TOX3: variants seen among roughly 807,000 people sequenced by gnomAD.
TOX3 encodes CAG trinucleotide repeat-containing gene F9 protein.
Under a neutral mutation model 64.3 loss-of-function variants are expected in TOX3, and 22 were observed. The ratio of observed to expected loss-of-function variants is 0.34; its 90% CI spans 0.24 to 0.49. The LOEUF (loss-of-function observed/expected upper bound fraction) is 0.49. Ranked by LOEUF, TOX3 falls within the 20% of genes least tolerant of loss-of-function variation. The pLI is 0.99. For synonymous variants in TOX3, 291 were observed against 273.6 expected (o/e 1.06, Z -0.63); for missense variants, 661 against 714.4 (o/e 0.93, Z 0.85).
chr16:52,514,423 G>T (rs190203593), intron 1 of TOX3, among the ~76,000 whole-genome samples: 45 of 152,274 alleles, frequency 3.0e-4, no homozygotes, highest in Non-Finnish European at 4.9e-4. Flanking sequence ...TGAGTTTTGA[G>T]CCCAACTGAT....
At chr16:52,459,038 G>A (rs948020945) in intron 3 of TOX3, among the ~76,000 whole-genome samples, 4 of 152,136 alleles carry the variant, frequency 2.6e-5, no homozygotes, top group African/African-American at 7.2e-5. Context: ...AACAGGCCAG[G>A]TGCAGTGGCT....
chr16:52,442,472 C>T (rs1303515772), intron 6 of TOX3, among the ~76,000 whole-genome samples: 2 of 152,156 alleles, frequency 1.3e-5, no homozygotes, highest in Non-Finnish European at 2.9e-5. Context: ...CCTTGCCTCC[C>T]TGATTCTTTC....
At chr16:52,482,766 C>T (rs1961402714) in intron 1 of TOX3, among the ~76,000 whole-genome samples, 2 of 152,142 alleles carry the variant, frequency 1.3e-5, no homozygotes, top group Admixed American at 6.5e-5. Context: ...CACACTGACT[C>T]CATTTATTCC....
intron 1 of TOX3, among the ~76,000 whole-genome samples, chr16:52,517,609 A>C (rs1006291143): frequency 1.3e-5 from 2 of 152,104 alleles, no homozygotes; most frequent in African/African-American, 4.8e-5. Context: ...AAGAATAGGT[A>C]GACTACATGC....
chr16:52,492,799 T>C (rs1020083691), intron 1 of TOX3, among the ~76,000 whole-genome samples: 2 of 151,230 alleles, frequency 1.3e-5, no homozygotes, highest in Non-Finnish European at 2.9e-5. Context: ...ATTTGCAGGA[T>C]GATGAAAAGC....
At chr16:52,464,266 A>G (rs551436482) in intron 2 of TOX3, 78 bp from the exon 3 acceptor site, 1 of 1,372,038 alleles carries the variant, frequency 7.3e-7, no homozygotes, top group African/African-American at 1.5e-5. Context: ...AGAGAAAGAC[A>G]TTGCATGAAA....
At chr16:52,499,692 C>T (rs1181589381) in intron 1 of TOX3, among the ~76,000 whole-genome samples, 1 of 152,170 alleles carries the variant, frequency 6.6e-6, no homozygotes, top group Non-Finnish European at 1.5e-5. Flanking sequence ...CTAAGACCCA[C>T]CCCAGCATAC....
intron 3 of TOX3, among the ~76,000 whole-genome samples, chr16:52,461,329 A>G (rs763939837): frequency 6.6e-6 from 1 of 152,188 alleles, no homozygotes; most frequent in African/African-American, 2.4e-5. Flanking sequence ...ATGCATCGAC[A>G]TTCAATTTTT....
intron 1 of TOX3, among the ~76,000 whole-genome samples, chr16:52,494,558 C>G (rs576512833): frequency 6.6e-6 from 1 of 152,166 alleles, no homozygotes; most frequent in Non-Finnish European, 1.5e-5. Flanking sequence ...TTTCCATATC[C>G]TTTAAGGCTA....
intron 2 of TOX3, among the ~76,000 whole-genome samples, chr16:52,467,975 G>T (rs941936950): frequency 1.3e-5 from 2 of 152,084 alleles, no homozygotes; most frequent in Non-Finnish European, 2.9e-5. Context: ...ACCTACTACT[G>T]CCAGGCACTG....
chr16:52,501,699 G>A (rs1363843689), intron 1 of TOX3, among the ~76,000 whole-genome samples: 2 of 151,648 alleles, frequency 1.3e-5, no homozygotes, highest in Non-Finnish European at 2.9e-5. Flanking sequence ...AAAACAGAGA[G>A]AGAATTACTA....
chr16:52,510,778 A>AAAAAAAAAAAAAAAAAG (rs574634087), intron 1 of TOX3, among the ~76,000 whole-genome samples: 1 of 115,142 alleles, frequency 8.7e-6, no homozygotes, highest in African/African-American at 3.5e-5. Flanking sequence ...AAAAAAAAAA[A>AAAAAAAAAAAAAAAAAG]AAGAAGAAGA....
At chr16:52,519,749 G>A (rs908615439) in intron 1 of TOX3, among the ~76,000 whole-genome samples, 2 of 151,978 alleles carry the variant, frequency 1.3e-5, no homozygotes. Flanking sequence ...CTTGGGCCTG[G>A]GAGTTCAAGA....
At chr16:52,456,848 GGCCTGAGTTCT>G (rs1960533168) in intron 3 of TOX3, among the ~76,000 whole-genome samples, 1 of 152,088 alleles carries the variant, frequency 6.6e-6, no homozygotes, top group South Asian at 2.1e-4. Context: ...TAAGGCTCTG[GGCCTGAGTTCT>G]GCTTTCTTTA....
intron 1 of TOX3, among the ~76,000 whole-genome samples, chr16:52,500,573 C>T (rs1961974604): frequency 6.6e-6 from 1 of 152,068 alleles, no homozygotes; most frequent in Non-Finnish European, 1.5e-5. Flanking sequence ...TGATCAAGAC[C>T]TTCCAACTAT....
chr16:52,452,158 A>G (rs906346854), intron 3 of TOX3, among the ~76,000 whole-genome samples: 14 of 151,982 alleles, frequency 9.2e-5, no homozygotes, highest in Non-Finnish European at 1.6e-4. Context: ...TTCTTTGGGA[A>G]AAAAAAAAGT....
intron 6 of TOX3, 94 bp downstream of exon 6, chr16:52,444,182 C>G (rs1960090264): frequency 3.1e-6 from 3 of 964,536 alleles, no homozygotes; most frequent in Non-Finnish European, 4.4e-6. Context: ...TTTCCATCAA[C>G]TTTTAGGGGA....
chr16:52,445,167 C>T (rs949227343), intron 5 of TOX3: 1 of 152,202 alleles, frequency 6.6e-6, no homozygotes, highest in Admixed American at 6.5e-5. Flanking sequence ...TCTAATGTTG[C>T]ACCTTCCCAA....
intron 1 of TOX3, among the ~76,000 whole-genome samples, chr16:52,482,635 G>A (rs957252045): frequency 2.6e-5 from 4 of 152,154 alleles, no homozygotes; most frequent in African/African-American, 9.6e-5. Context: ...CAGCATATTT[G>A]GAGAGAAAAT....
Sources: allele counts gnomAD v4.1 joint callset (sites outside exome capture counted in the v4.1 genomes callset), GRCh38; gene constraint gnomAD v4.1.1; transcripts MANE v1.5; gene names NCBI Gene and HGNC (gene_info 2026-07-23, HGNC 2026-07-21).